Variants in PARD3B observed in about 807,000 individuals in gnomAD.
PARD3B encodes the protein partitioning defective 3 homolog B.
PARD3B carries 103 observed loss-of-function variants against 130.2 expected under a neutral mutation model. That is an observed-to-expected ratio of 0.79 (90% confidence interval 0.67 to 0.93). The LOEUF is 0.93. PARD3B is among the 40% of genes least tolerant of loss of function. The probability of loss-of-function intolerance (pLI) is 0.00; values close to 1 mark genes in which losing one functional copy is unlikely to be tolerated. For missense variants in PARD3B, 1,609 were observed against 1,499.2 expected (o/e 1.07, Z -1.21); for synonymous variants, 583 against 553.2 (o/e 1.05, Z -0.76).
At chr2:205,602,280 G>A (rs558841700) in intron 22 of PARD3B, among the ~76,000 whole-genome samples, 1 of 152,358 alleles carries the variant, frequency 6.6e-6, no homozygotes, top group East Asian at 1.9e-4. Flanking sequence ...TGGTTTGCCA[G>A]TATTTTAATG....
At chr2:205,409,596 G>T (rs920826844) in intron 19 of PARD3B, among the ~76,000 whole-genome samples, 1 of 152,102 alleles carries the variant, frequency 6.6e-6, no homozygotes, top group African/African-American at 2.4e-5. Context: ...TTGAATCAAT[G>T]TTAGAAGTGC....
chr2:205,451,384 A>G (rs2048098970), intron 20 of PARD3B, among the ~76,000 whole-genome samples: 1 of 152,184 alleles, frequency 6.6e-6, no homozygotes, highest in Non-Finnish European at 1.5e-5. Context: ...TAGAATTTCA[A>G]CTTTCCAGTA....
At chr2:204,792,370 G>A (rs917830592) in intron 2 of PARD3B, among the ~76,000 whole-genome samples, 2 of 151,960 alleles carry the variant, frequency 1.3e-5, no homozygotes, top group South Asian at 4.1e-4. Context: ...AAAGAATATA[G>A]CAATAATGGC....
chr2:204,893,919 A>G (rs573184728), intron 2 of PARD3B, among the ~76,000 whole-genome samples: 1 of 152,330 alleles, frequency 6.6e-6, no homozygotes, highest in Admixed American at 6.5e-5. Context: ...AGTTTATGCA[A>G]AATGAATGAG....
intron 4 of PARD3B, among the ~76,000 whole-genome samples, chr2:205,069,230 A>G (rs762863479): frequency 3.3e-5 from 5 of 151,734 alleles, no homozygotes; most frequent in Non-Finnish European, 7.4e-5. Context: ...ATTAAATCCT[A>G]TTTTGCCTGA....
chr2:204,843,078 C>T (rs998823375), intron 2 of PARD3B, among the ~76,000 whole-genome samples: 1 of 151,994 alleles, frequency 6.6e-6, no homozygotes, highest in African/African-American at 2.4e-5. Flanking sequence ...TGAGCTGAGC[C>T]CCGAGGATCT....
In PARD3B at chr2:204,971,620, G is replaced by GT. The variant is rs78837716; in HGVS notation, c.394+6307dup. Among the ~76,000 whole-genome samples the GT allele has an allele frequency of 7.4e-3, 1,091 of 146,852 alleles. 18 individuals are homozygous for GT. Among genetic ancestry groups the GT allele is most frequent in the African/African-American group, 0.025 (987 of 39,964 alleles). On this transcript the variant is annotated intron_variant, in intron 3 of 22. Coordinates refer to ENST00000406610, the MANE Select transcript of PARD3B (RefSeq NM_001302769.2). Reference sequence around the variant, plus strand: ...TTTTCCTTTCCTTCCCTGGGAGTCTGTTTTTTTTTTCCCCCTCCATGAAGG... The same window carrying GT: ...TTTTCCTTTCCTTCCCTGGGAGTCTGTTTTTTTTTTTCCCCCTCCATGAAGG...
chr2:204,735,763 CTG>C (rs1348070607), intron 2 of PARD3B, among the ~76,000 whole-genome samples: 1 of 152,100 alleles, frequency 6.6e-6, no homozygotes, highest in Non-Finnish European at 1.5e-5. Context: ...TTTGACGAGA[CTG>C]TTTTTATTCA....
chr2:204,587,425 C>T lies in PARD3B; in HGVS notation c.120+41306C>T, dbSNP rs535258860. ...TTCATTGTAGGCAATGAATTGTCCA[C>T]GGATAAATGGAATTGTTGGTAGTCA... On this transcript the variant is annotated intron_variant, in intron 1 of 22. Coordinates refer to ENST00000406610, the MANE Select transcript of PARD3B (RefSeq NM_001302769.2). 2.6e-5 allele frequency among the ~76,000 whole-genome samples: 4 copies of T among 152,210 alleles called. No homozygotes were observed. In the South Asian group the frequency reaches 6.2e-4, roughly 24 times the overall value.
intron 2 of PARD3B, among the ~76,000 whole-genome samples, chr2:204,848,653 A>G (rs955128597): frequency 5.3e-4 from 80 of 151,990 alleles, no homozygotes; most frequent in African/African-American, 1.9e-3. Context: ...CTATCTATCT[A>G]TCTATCTATC....
chr2:205,034,009 A>G (rs557604541), intron 3 of PARD3B, among the ~76,000 whole-genome samples: 3 of 152,170 alleles, frequency 2.0e-5, no homozygotes, highest in South Asian at 2.1e-4. Context: ...CATTAGTGTG[A>G]ATCGTGTTTA....
chr2:204,596,758 G>A (rs971356765), intron 1 of PARD3B, among the ~76,000 whole-genome samples: 4 of 152,004 alleles, frequency 2.6e-5, no homozygotes, highest in Admixed American at 1.3e-4. Context: ...GAGAAACCCC[G>A]TCTCTACTAA....
intron 20 of PARD3B, among the ~76,000 whole-genome samples, chr2:205,464,882 A>G (rs976791252): frequency 6.6e-6 from 1 of 152,156 alleles, no homozygotes; most frequent in Admixed American, 6.6e-5. Flanking sequence ...GGGTTAGTGG[A>G]ACCTGTAAAA....
At chr2:204,836,711 CA>C (rs1014158490) in intron 2 of PARD3B, among the ~76,000 whole-genome samples, 2 of 151,560 alleles carry the variant, frequency 1.3e-5, no homozygotes, top group Middle Eastern at 3.4e-3. Context: ...TACTATAGAG[CA>C]AAAAAAATCG....
In PARD3B at chr2:205,443,902, C is replaced by T. The variant is rs117418190; in HGVS notation, c.3044+3230C>T. Reference sequence around the variant, plus strand: ...GTATAATCCCAGCACTTTGGGAGTCCGGGGTAAGGGGGAATCACTTGAGGC... The same window carrying T: ...GTATAATCCCAGCACTTTGGGAGTCTGGGGTAAGGGGGAATCACTTGAGGC... On this transcript the variant is annotated intron_variant, in intron 20 of 22. Transcript: ENST00000406610. Among the ~76,000 whole-genome samples, 47 of 152,220 alleles carry T rather than the reference C, an allele frequency of 3.1e-4. 2 individuals are homozygous for T. In the East Asian group the frequency reaches 4.2e-3, roughly 14 times the overall value.
intron 4 of PARD3B, among the ~76,000 whole-genome samples, chr2:205,086,930 G>C (rs542351555): frequency 6.6e-6 from 1 of 152,292 alleles, no homozygotes; most frequent in East Asian, 1.9e-4. Context: ...ACATCGTAAA[G>C]CATGGTGTTG....
At chr2:204,806,939 C>T (rs879415230) in intron 2 of PARD3B, among the ~76,000 whole-genome samples, 6 of 151,966 alleles carry the variant, frequency 3.9e-5, no homozygotes, top group African/African-American at 1.5e-4. Context: ...GAAGAAATAC[C>T]CAAGACTGGG....
chr2:204,611,613 G>A (rs543074367), intron 1 of PARD3B, among the ~76,000 whole-genome samples: 2 of 152,016 alleles, frequency 1.3e-5, no homozygotes, highest in Non-Finnish European at 2.9e-5. Flanking sequence ...CAGACTTTTA[G>A]CATCAGTAAG....
chr2:204,918,129 T>A (rs927218195), intron 2 of PARD3B, among the ~76,000 whole-genome samples: 5 of 152,238 alleles, frequency 3.3e-5, no homozygotes, highest in Admixed American at 3.3e-4. Context: ...CAAGAAGAGA[T>A]AAATGCTTAC....
Sources: allele counts gnomAD v4.1 joint callset (sites outside exome capture counted in the v4.1 genomes callset), GRCh38; gene constraint gnomAD v4.1.1; transcripts MANE v1.5; gene names NCBI Gene and HGNC (gene_info 2026-07-23, HGNC 2026-07-21).